Variants in ME1 observed in about 807,000 individuals in gnomAD.
ME1 encodes NADP-dependent malic enzyme.
In ME1, 74 loss-of-function variants were observed where a neutral mutation model predicts 66.4. The observed-to-expected ratio is 1.11, with a 90% CI of 0.92 to 1.35. The LOEUF (loss-of-function observed/expected upper bound fraction) is 1.35. Ranked by LOEUF, ME1 falls within the 40% of genes most tolerant of loss-of-function variation. ME1 has a pLI of 0.00. For synonymous variants in ME1, 251 were observed against 235.6 expected, an observed-to-expected ratio of 1.07 and a Z score of -0.60; for missense variants, 750 against 694.1, an observed-to-expected ratio of 1.08 and a Z score of -0.90.
At chr6:83,264,001 T>C (rs542597050) in intron 6 of ME1, among the ~76,000 whole-genome samples, 1 of 152,288 alleles carries the variant, frequency 6.6e-6, no homozygotes, top group South Asian at 2.1e-4. Flanking sequence ...AGGGCTTTCA[T>C]AGCTAGAAAG....
At chr6:83,302,780 CTATT>C (rs1261178463) in intron 6 of ME1, among the ~76,000 whole-genome samples, 5 of 152,018 alleles carry the variant, frequency 3.3e-5, no homozygotes, top group Admixed American at 6.6e-5. Context: ...CCAACTAAAA[CTATT>C]TATTTATACA....
intron 5 of ME1, among the ~76,000 whole-genome samples, chr6:83,342,217 C>A (rs908966884): frequency 6.6e-6 from 1 of 152,214 alleles, no homozygotes; most frequent in African/African-American, 2.4e-5. Flanking sequence ...GATTCTGTAT[C>A]CAGGTCCTTG....
At chr6:83,283,552 A>G (rs2128533541) in intron 6 of ME1, among the ~76,000 whole-genome samples, 1 of 152,228 alleles carries the variant, frequency 6.6e-6, no homozygotes, top group Middle Eastern at 3.4e-3. Context: ...ACAAACCTGC[A>G]CGTTCTGCAC....
chr6:83,415,577 T>A (rs1354304063), intron 1 of ME1, among the ~76,000 whole-genome samples: 2 of 152,174 alleles, frequency 1.3e-5, no homozygotes, highest in Admixed American at 1.3e-4. Flanking sequence ...TTCTGTGTAG[T>A]TCTATTTTGA....
At chr6:83,249,483 C>T (rs1425432566) in intron 7 of ME1, among the ~76,000 whole-genome samples, 1 of 152,072 alleles carries the variant, frequency 6.6e-6, no homozygotes, top group Non-Finnish European at 1.5e-5. Flanking sequence ...CCTTGGCCTC[C>T]CAAAGTGCTG....
In ME1 at chr6:83,393,901, T is replaced by C. The variant is rs1254419362; in HGVS notation, c.362+4466A>G. 4.6e-5 allele frequency among the ~76,000 whole-genome samples: 7 copies of C among 152,134 alleles called. 1 individual carries two copies. The Middle Eastern group carries it at 0.014, about 296-fold the overall frequency. ...GACCCTTCATCTATAAGGAAAATAC[T>C]GTAGGTTTCTTGCCTTTAGTAAGGC... is the stretch of plus-strand genomic sequence containing the variant. On this transcript the variant is annotated intron_variant, in intron 3 of 13. Transcript: ENST00000369705.
chr6:83,293,766 TC>T (rs1353868341), intron 6 of ME1, among the ~76,000 whole-genome samples: 1 of 152,190 alleles, frequency 6.6e-6, no homozygotes, highest in African/African-American at 2.4e-5. Flanking sequence ...CCAGGGTATC[TC>T]CTCAATTTCT....
At chr6:83,220,027 ACTT>A (rs1208668784) in intron 12 of ME1, among the ~76,000 whole-genome samples, 2 of 152,180 alleles carry the variant, frequency 1.3e-5, no homozygotes, top group Non-Finnish European at 2.9e-5. Context: ...TAACGAATCA[ACTT>A]CAAGTTTTTT....
intron 7 of ME1, among the ~76,000 whole-genome samples, chr6:83,241,730 T>C (rs1422019457): frequency 6.6e-6 from 1 of 152,190 alleles, no homozygotes; most frequent in Non-Finnish European, 1.5e-5. Flanking sequence ...AAATTGAAAT[T>C]TCATAAAACT....
chr6:83,299,823 C>A (rs2128536475), intron 6 of ME1, among the ~76,000 whole-genome samples: 1 of 152,212 alleles, frequency 6.6e-6, no homozygotes, highest in East Asian at 1.9e-4. Context: ...GATATCAAAT[C>A]TTATCGAAGG....
chr6:83,223,791 A>G lies in ME1; in HGVS notation c.1418T>C (p.Ile473Thr). 6.2e-7 allele frequency: 1 copy of G among 1,613,792 alleles called. No individual in the cohort carries two copies. Among genetic ancestry groups the G allele is most frequent in the Non-Finnish European group, 8.5e-7 (1 of 1,179,816 alleles). Residue 473 changes from isoleucine to threonine, a missense_variant, in exon 12 of 14, where the codon ATC becomes ACC. Coordinates refer to ENST00000369705, the MANE Select transcript of ME1 (RefSeq NM_002395.6). ...LGVVACGLRQ[I>T]TDNIFLTTAE... ...AGTAGTGAGGAAAATATTATCTGTG[A>G]TCTGCCTCAATCCACACGCCACAAC...
chr6:83,247,582 T>C lies in ME1; in HGVS notation c.814+6047A>G, dbSNP rs540410924. On this transcript the variant is annotated intron_variant, in intron 7 of 13. Coordinates refer to ENST00000369705, the MANE Select transcript of ME1 (RefSeq NM_002395.6). ...AAGGGTCCAGTGTAAACACATTTATTTACATGGTAAGGCTGTAATGGTTAG... is the reference window on the plus strand; with the variant it reads ...AAGGGTCCAGTGTAAACACATTTATCTACATGGTAAGGCTGTAATGGTTAG... Among the ~76,000 whole-genome samples the C allele has an allele frequency of 3.3e-5, 5 of 152,262 alleles. No homozygotes were observed. The South Asian group carries it at 1.0e-3, about 32-fold the overall frequency.
At position 83,240,014 on chromosome 6, in the gene ME1, T is replaced by C. The variant is rs546010553; in HGVS notation, c.815-378A>G. Among the ~76,000 whole-genome samples, 8 of 152,206 alleles carry C rather than the reference T, an allele frequency of 5.3e-5. No individual in the cohort carries two copies. The South Asian group carries it at 1.7e-3, about 32-fold the overall frequency. ...TAGTTTCCTCATCTGTAAAGTAGTT[T>C]TACTTTATGATATAAAAGAGTAATA... On this transcript the variant is annotated intron_variant, in intron 7 of 13. Transcript: ENST00000369705.
rs186529683 is a variant in ME1, at chr6:83,392,681, A to G, written c.362+5686T>C. 47 of 602,502 alleles carry G rather than the reference A, an allele frequency of 7.8e-5. No homozygotes were observed. The Admixed American group carries it at 8.3e-4, about 11-fold the overall frequency. The allele number at this position is 602,502 out of a possible 1,614,324, so 37.3% of individuals were successfully genotyped here. On this transcript the variant is annotated intron_variant, in intron 3 of 13. Coordinates refer to ENST00000369705, the MANE Select transcript of ME1 (RefSeq NM_002395.6). ...GATCTCACCAAAATCAAATGGGGCAATGCTGGCACTGAGTACATCATGGAG... is the reference window on the plus strand; with the variant it reads ...GATCTCACCAAAATCAAATGGGGCAGTGCTGGCACTGAGTACATCATGGAG...
At chr6:83,417,288 A>G (rs1325866139) in intron 1 of ME1, among the ~76,000 whole-genome samples, 1 of 152,186 alleles carries the variant, frequency 6.6e-6, no homozygotes, top group Admixed American at 6.5e-5. Flanking sequence ...TTTGTCCTCA[A>G]GCAGTCTTCC....
At chr6:83,319,957 C>T (rs745645661) in intron 5 of ME1, among the ~76,000 whole-genome samples, 1 of 152,138 alleles carries the variant, frequency 6.6e-6, no homozygotes, top group Non-Finnish European at 1.5e-5. Flanking sequence ...GGAGCAAAAC[C>T]CAAGAAACCT....
intron 1 of ME1, among the ~76,000 whole-genome samples, chr6:83,414,725 T>G (rs1399099322): frequency 6.6e-6 from 1 of 152,212 alleles, no homozygotes; most frequent in African/African-American, 2.4e-5. Flanking sequence ...TCGTTATAGA[T>G]TCTTTGTAAG....
chr6:83,412,365 G>C (rs1339153144), intron 1 of ME1, among the ~76,000 whole-genome samples: 1 of 152,204 alleles, frequency 6.6e-6, no homozygotes, highest in East Asian at 1.9e-4. Context: ...TATTACGGCA[G>C]AGATGGTTTG....
At chr6:83,235,049 T>A (rs559360653) in intron 9 of ME1, among the ~76,000 whole-genome samples, 1 of 152,300 alleles carries the variant, frequency 6.6e-6, no homozygotes, top group Admixed American at 6.5e-5. Context: ...GCCATCATAT[T>A]TCCTTTGTTT....
Sources: allele counts gnomAD v4.1 joint callset (sites outside exome capture counted in the v4.1 genomes callset), GRCh38; gene constraint gnomAD v4.1.1; transcripts MANE v1.5; gene names NCBI Gene and HGNC (gene_info 2026-07-23, HGNC 2026-07-21).